The following SNRPN variants were observed in gnomAD, a reference collection of about 807,000 sequenced individuals.
The protein encoded by SNRPN is small nuclear ribonucleoprotein polypeptide N.
In SNRPN, 7 loss-of-function variants were observed where a neutral mutation model predicts 25.2. The observed-to-expected ratio is 0.28, with a 90% CI of 0.16 to 0.52. The LOEUF (loss-of-function observed/expected upper bound fraction) is 0.52. Among genes scored for constraint, SNRPN ranks in the 20% least tolerant of loss-of-function variants. The probability of loss-of-function intolerance (pLI) is 0.96; values close to 1 mark genes in which losing one functional copy is unlikely to be tolerated. For synonymous variants in SNRPN, 124 were observed against 110.6 expected, an observed-to-expected ratio of 1.12 and a Z score of -0.76; for missense variants, 196 against 322.5, an observed-to-expected ratio of 0.61 and a Z score of 3.00.
At chr15:24,886,445 A>T (rs899629829) in intron 1 of SNRPN, 5 of 152,200 alleles carry the variant, frequency 3.3e-5, no homozygotes, top group African/African-American at 1.2e-4. Flanking sequence ...AATCTATTGC[A>T]GTGGTCCCGA....
chr15:24,908,450 A>G (rs1416753444), intron 2 of SNRPN, among the ~76,000 whole-genome samples: 1 of 152,216 alleles, frequency 6.6e-6, no homozygotes, highest in Non-Finnish European at 1.5e-5. Context: ...CTTTGAGATT[A>G]TCTAGGTGGT....
intron 3 of SNRPN, among the ~76,000 whole-genome samples, chr15:24,921,710 G>A (rs1355417733): frequency 6.6e-6 from 1 of 152,188 alleles, no homozygotes; most frequent in Non-Finnish European, 1.5e-5. Flanking sequence ...AGAAAGGGAA[G>A]AGAGCACAGT....
chr15:24,863,012 C>G (rs1430371117), intron 1 of SNRPN, among the ~76,000 whole-genome samples: 1 of 150,952 alleles, frequency 6.6e-6, no homozygotes, highest in East Asian at 1.9e-4. Context: ...TGCGGACTGC[C>G]TTCTGTGGGG....
chr15:24,943,985 C>A (rs1337900262), intron 3 of SNRPN, among the ~76,000 whole-genome samples: 1 of 152,098 alleles, frequency 6.6e-6, no homozygotes, highest in Non-Finnish European at 1.5e-5. Flanking sequence ...CCATACTCAG[C>A]TAATTTTTGT....
intron 1 of SNRPN, among the ~76,000 whole-genome samples, chr15:24,864,920 C>A (rs1204401504): frequency 6.6e-6 from 1 of 151,908 alleles, no homozygotes; most frequent in African/African-American, 2.4e-5. Context: ...ACATAAAAAT[C>A]ATGAGATCTA....
At chr15:24,951,178 T>A (rs1432828142), upstream of SNRPN, among the ~76,000 whole-genome samples, 1 of 152,146 alleles carries the variant, frequency 6.6e-6, no homozygotes, top group Non-Finnish European at 1.5e-5. Flanking sequence ...CATTTCTTTG[T>A]GATCTGCTTA....
chr15:24,858,648 A>C (rs983457127), intron 1 of SNRPN, among the ~76,000 whole-genome samples: 3 of 151,986 alleles, frequency 2.0e-5, no homozygotes, highest in Non-Finnish European at 4.4e-5. Context: ...AAAAAATACA[A>C]AAATTAGCCG....
intron 3 of SNRPN, among the ~76,000 whole-genome samples, chr15:24,935,319 A>C (rs935086494): frequency 6.6e-6 from 1 of 152,172 alleles, no homozygotes; most frequent in Non-Finnish European, 1.5e-5. Flanking sequence ...GATCATATGA[A>C]ACATAAATAT....
chr15:24,878,492 G>C (rs542076324), intron 1 of SNRPN, among the ~76,000 whole-genome samples: 10 of 152,308 alleles, frequency 6.6e-5, no homozygotes, highest in African/African-American at 2.4e-4. Context: ...GCGCCCCGAG[G>C]GTCTGTTCCG....
rs971202138 is a variant in SNRPN at position 24,871,952 on chromosome 15, A to G, written c.-578-14564A>G. Among the ~76,000 whole-genome samples, 119 of 118,044 alleles carry G rather than the reference A, an allele frequency of 1.0e-3. 36 individuals are homozygous for G. Among genetic ancestry groups the G allele is most frequent in the Admixed American group, 2.5e-3 (27 of 10,608 alleles). The allele number at this position is 118,044 out of a possible 152,430, so 77.4% of individuals were successfully genotyped here. A position where few individuals can be genotyped will look rare whatever the true frequency, so the allele number is the denominator to read the frequency against. ...GATCTCCTGACTTCATGATTCGCCC[A>G]CCTCAGCCTCCCAAAGTGCTAGGAT... On this transcript the variant is annotated intron_variant, in intron 1 of 11. Transcript: ENST00000400097.
At chr15:24,860,850 A>C (rs2053924587) in intron 1 of SNRPN, among the ~76,000 whole-genome samples, 1 of 152,198 alleles carries the variant, frequency 6.6e-6, no homozygotes, top group Non-Finnish European at 1.5e-5. Flanking sequence ...ATATATTATA[A>C]AATGTAATAA....
intron 2 of SNRPN, among the ~76,000 whole-genome samples, chr15:24,965,599 A>G (rs2075498241): frequency 6.6e-6 from 1 of 152,176 alleles, no homozygotes; most frequent in South Asian, 2.1e-4. Flanking sequence ...CTTTCAGTGT[A>G]TTTGTCACTA....
intron 7 of SNRPN, 90 bp downstream of exon 7, chr15:24,977,119 T>C (rs2077146140): frequency 2.8e-6 from 3 of 1,053,050 alleles, no homozygotes; most frequent in Non-Finnish European, 4.0e-6. Context: ...GTATGTGTCA[T>C]ACAATGTAAA....
At chr15:24,878,336 T>C (rs959903617) in intron 1 of SNRPN, among the ~76,000 whole-genome samples, 1 of 152,202 alleles carries the variant, frequency 6.6e-6, no homozygotes, top group Non-Finnish European at 1.5e-5. Flanking sequence ...GCCACCGTTC[T>C]GAGCGGCCGA....
At chr15:24,925,903 T>A (rs12593941) in intron 3 of SNRPN, among the ~76,000 whole-genome samples, 43,136 of 151,986 alleles carry the variant, frequency 0.28, 6,181 homozygotes, top group Admixed American at 0.32. Context: ...CCCGGCTAAT[T>A]TTTTGAATTT....
chr15:24,873,742 T>C (rs1425380876), intron 1 of SNRPN, among the ~76,000 whole-genome samples: 3 of 152,040 alleles, frequency 2.0e-5, no homozygotes, highest in African/African-American at 2.4e-5. Flanking sequence ...CCACCGTGCC[T>C]GGCCAACTCT....
intron 1 of SNRPN, among the ~76,000 whole-genome samples, chr15:24,827,515 C>CAAA (rs58393593): frequency 3.1e-5 from 3 of 96,770 alleles, no homozygotes; most frequent in African/African-American, 7.9e-5. Flanking sequence ...GACTCTGTCT[C>CAAA]AAAAAAAAAA....
intron 1 of SNRPN, among the ~76,000 whole-genome samples, chr15:24,826,720 CAGTG>C (rs911846497): frequency 5.3e-5 from 8 of 152,012 alleles, no homozygotes; most frequent in Admixed American, 5.2e-4. Flanking sequence ...GTAGGAGTCT[CAGTG>C]GGTGTCAGCC....
Position 24,978,257 on chromosome 15 carries a change from T to G in SNRPN, c.624T>G (p.Ala208=), listed in dbSNP as rs200487846. 388 of 1,613,990 alleles carry G rather than the reference T, an allele frequency of 2.4e-4. 1 individual carries two copies. Among genetic ancestry groups the G allele is most frequent in the Non-Finnish European group, 2.8e-4 (336 of 1,179,842 alleles). ...PMGPPIGLPP[A]RGTPIGMPPP... ...GCCCACCAATTGGGCTTCCCCCTGC[T>G]CGAGGGACGCCAATAGGCATGCCGC... The change falls in exon 9 of 10, where the codon GCT becomes GCG. Residue 208 remains alanine (A), a synonymous_variant. Transcript: ENST00000390687.
Sources: allele counts gnomAD v4.1 joint callset (sites outside exome capture counted in the v4.1 genomes callset), GRCh38; gene constraint gnomAD v4.1.1; transcripts MANE v1.5; gene names NCBI Gene and HGNC (gene_info 2026-07-23, HGNC 2026-07-21).